The following EIF4G3 variants were observed in gnomAD, a reference collection of about 807,000 sequenced individuals.
EIF4G3 encodes eukaryotic translation initiation factor 4 gamma 3, also known as eIF-4-gamma 3.
Under a neutral mutation model 186.4 loss-of-function variants are expected in EIF4G3, and 34 were observed. The ratio of observed to expected loss-of-function variants is 0.18; its 90% CI spans 0.14 to 0.24. EIF4G3 has a LOEUF of 0.24. Among genes scored for constraint, EIF4G3 ranks in the 10% least tolerant of loss-of-function variants. EIF4G3 has a pLI of 1.00. For synonymous variants in EIF4G3, 673 were observed against 679.5 expected, an observed-to-expected ratio of 0.99 and a Z score of 0.15; for missense variants, 1,536 against 1,948.5, an observed-to-expected ratio of 0.79 and a Z score of 3.99.
At chr1:21,158,877 T>C (rs2097708602) in intron 2 of EIF4G3, among the ~76,000 whole-genome samples, 2 of 152,052 alleles carry the variant, frequency 1.3e-5, no homozygotes, top group Non-Finnish European at 2.9e-5. Context: ...AATACCTATA[T>C]TTTCTCGCTA....
chr1:20,853,608 G>T lies in EIF4G3; in HGVS notation c.3503C>A (p.Ser1168Tyr). Residue 1168 changes from serine to tyrosine, a missense_variant, in exon 27 of 37, where the codon TCC (serine) becomes TAC (tyrosine). This residue lies in a region of EIF4G3 where 395 missense variants were observed against 498.9 expected (regional missense o/e 0.79). Coordinates refer to ENST00000602326, the MANE Select transcript of EIF4G3 (RefSeq NM_001391906.1). ...AAACTCTACAGGCGTGGATGGCGTG[G>T]ACCCTGAGGGTGCTGGAGGTTGCAG... ...SALQPPAPSG[S>Y]TPSTPVEFDS... 6.2e-7 allele frequency: 1 copy of T among 1,614,084 alleles called. No individual in the cohort carries two copies. Among genetic ancestry groups the T allele is most frequent in the South Asian group, 1.1e-5 (1 of 91,074 alleles).
intron 36 of EIF4G3, among the ~76,000 whole-genome samples, chr1:20,807,755 G>GTT (rs67864326): frequency 1.7e-4 from 11 of 63,880 alleles, no homozygotes; most frequent in African/African-American, 4.9e-4. Flanking sequence ...CTTTTTTTCT[G>GTT]TTTTTTTTTT....
At position 21,008,424 on chromosome 1, in the gene EIF4G3, C is replaced by G. The variant is rs1029100828; in HGVS notation, c.-66-5616G>C. On this transcript the variant is annotated intron_variant, in intron 4 of 36. Transcript: ENST00000602326. The stretch of plus-strand genomic sequence containing the variant: ...TAATCTTGGCTCACTGCAACCTCCC[C>G]CTCCTGGGTCCAAGCAATTCTCCTG... 9.2e-5 allele frequency among the ~76,000 whole-genome samples: 14 copies of G among 152,242 alleles called. No homozygotes were observed. The South Asian group carries it at 2.9e-3, about 32-fold the overall frequency.
At chr1:20,829,606 T>C (rs547185584) in intron 30 of EIF4G3, among the ~76,000 whole-genome samples, 1 of 152,126 alleles carries the variant, frequency 6.6e-6, no homozygotes, top group Non-Finnish European at 1.5e-5. Context: ...TCCTGTGAAG[T>C]TCTAGGGGAA....
chr1:20,836,951 C>T (rs2066922444), intron 30 of EIF4G3, among the ~76,000 whole-genome samples: 1 of 152,176 alleles, frequency 6.6e-6, no homozygotes, highest in Non-Finnish European at 1.5e-5. Flanking sequence ...TATTTAGATT[C>T]AAGTCCTGAA....
chr1:21,090,795 A>G (rs1190867661), intron 2 of EIF4G3, among the ~76,000 whole-genome samples: 1 of 152,238 alleles, frequency 6.6e-6, no homozygotes, highest in East Asian at 1.9e-4. Flanking sequence ...TGAAAGACTC[A>G]AGTTATCATT....
intron 2 of EIF4G3, among the ~76,000 whole-genome samples, chr1:21,148,756 A>G (rs962300822): frequency 6.6e-6 from 1 of 151,052 alleles, no homozygotes; most frequent in African/African-American, 2.4e-5. Context: ...GCAACTCGAG[A>G]GGCTGAGGTG....
chr1:21,128,674 A>C (rs1393293614), intron 2 of EIF4G3, among the ~76,000 whole-genome samples: 1 of 152,056 alleles, frequency 6.6e-6, no homozygotes, highest in African/African-American at 2.4e-5. Flanking sequence ...TTATTTTTTA[A>C]TCTCTATTCT....
chr1:20,882,211 A>T (rs1558059348), intron 19 of EIF4G3, among the ~76,000 whole-genome samples: 1 of 58,756 alleles, frequency 1.7e-5, no homozygotes, highest in Non-Finnish European at 4.5e-5. Context: ...ACACACACAC[A>T]CACAAAATCA....
chr1:21,044,637 G>GTTT (rs11334476), intron 4 of EIF4G3, among the ~76,000 whole-genome samples: 2,261 of 140,180 alleles, frequency 0.016, 54 homozygotes, highest in African/African-American at 0.058. Flanking sequence ...AACTTCATTC[G>GTTT]TTTTTTTTTT....
chr1:21,007,538 C>CAAACAAAA (rs1471121881), intron 4 of EIF4G3, among the ~76,000 whole-genome samples: 5 of 58,488 alleles, frequency 8.5e-5, no homozygotes, highest in Admixed American at 3.0e-4. Flanking sequence ...AAAAAAAAAA[C>CAAACAAAA]ACACTCAAAA....
In EIF4G3 at chr1:21,094,108, A is replaced by T. The variant is rs573052258; in HGVS notation, c.-271-4895T>A. Among the ~76,000 whole-genome samples, 395 of 151,616 alleles carry T rather than the reference A, an allele frequency of 2.6e-3. 3 individuals are homozygous for T. The highest frequency in any genetic ancestry group is 9.2e-3 in the African/African-American group (379 of 41,172). On this transcript the variant is annotated intron_variant, in intron 2 of 36. Transcript: ENST00000602326. ...CTAAAACTTAAAGTATAATAAAAAA[A>T]ATTTTTTTTTTTTTTTAAAAAAAGC...
chr1:20,837,435 A>C (rs1285155239), intron 30 of EIF4G3, among the ~76,000 whole-genome samples: 1 of 152,078 alleles, frequency 6.6e-6, no homozygotes. Flanking sequence ...CGATCTCCTG[A>C]CCTCGTGATC....
At chr1:20,985,765 G>A (rs144382054) in intron 7 of EIF4G3, among the ~76,000 whole-genome samples, 2 of 152,242 alleles carry the variant, frequency 1.3e-5, no homozygotes, top group African/African-American at 2.4e-5. Flanking sequence ...AATGGAAGGA[G>A]CCATTTAGTC....
At chr1:20,918,235 G>A (rs1014532288) in intron 14 of EIF4G3, among the ~76,000 whole-genome samples, 10 of 151,910 alleles carry the variant, frequency 6.6e-5, no homozygotes, top group Non-Finnish European at 1.3e-4. Flanking sequence ...TTTTAGACAG[G>A]GTATCTCTCT....
intron 24 of EIF4G3, among the ~76,000 whole-genome samples, chr1:20,859,853 G>A (rs527554898): frequency 1.3e-5 from 2 of 152,212 alleles, no homozygotes; most frequent in South Asian, 4.1e-4. Context: ...TCAGCCTCCC[G>A]AAGTGCTGGG....
chr1:20,857,629 T>C (rs972462744), intron 24 of EIF4G3, 132 bp from the exon 25 acceptor site: 14 of 793,246 alleles, frequency 1.8e-5, no homozygotes, highest in African/African-American at 3.4e-5. Flanking sequence ...ACAATATCTT[T>C]AATCCCATGG....
chr1:21,006,956 A>T lies in EIF4G3; in HGVS notation c.-66-4148T>A, dbSNP rs117882302. On this transcript the variant is annotated intron_variant, in intron 4 of 36. Transcript: ENST00000602326. ...AGGTACTATTCTAAGTACTTTACAT[A>T]TAAGTCAGAGATGAAATGCCATTTC... Among the ~76,000 whole-genome samples the T allele has an allele frequency of 7.0e-3, 1,060 of 152,360 alleles. 40 individuals are homozygous for T. Among genetic ancestry groups the T allele is most frequent in the Admixed American group, 0.049 (753 of 15,298 alleles).
intron 15 of EIF4G3, among the ~76,000 whole-genome samples, chr1:20,902,712 C>T (rs1430467602): frequency 1.3e-5 from 2 of 152,202 alleles, no homozygotes; most frequent in Non-Finnish European, 2.9e-5. Context: ...ACAATCTTGG[C>T]TCATTGCAAC....
Sources: allele counts gnomAD v4.1 joint callset (sites outside exome capture counted in the v4.1 genomes callset), GRCh38; gene constraint gnomAD v4.1.1; regional missense constraint gnomAD v4.1.1; transcripts MANE v1.5; gene names NCBI Gene and HGNC (gene_info 2026-07-23, HGNC 2026-07-21).